Variants in GPD1L observed in about 807,000 individuals in gnomAD.
GPD1L encodes glycerol-3-phosphate dehydrogenase 1-like protein.
GPD1L carries 17 observed loss-of-function variants against 32.9 expected under a neutral mutation model. That is an observed-to-expected ratio of 0.52 (90% CI 0.35 to 0.78). The LOEUF is 0.78. Ranked by LOEUF, GPD1L falls within the 30% of genes least tolerant of loss-of-function variation. The pLI is 0.01. For missense variants in GPD1L, 361 were observed against 447.8 expected (o/e 0.81, Z 1.75); for synonymous variants, 187 against 165.9 (o/e 1.13, Z -0.98).
intron 1 of GPD1L, among the ~76,000 whole-genome samples, chr3:32,121,743 A>ATATATTTCTATATATATATTTCTATATC (rs1700424147): frequency 7.4e-6 from 1 of 134,364 alleles, no homozygotes; most frequent in African/African-American, 2.7e-5. Context: ...ATTTCTATAT[A>ATATATTTCTATATATATATTTCTATATC]TATATTTCTA....
Position 32,106,953 on chromosome 3 carries a change from TG to T in GPD1L, c.47+198del, listed in dbSNP as rs1700173496. ...ACCGGGGCACTCGCTCGGGAGGCGC[TG>T]GGCTCGCGTGCGTGCGGGGGACAGC... On this transcript the variant is annotated intron_variant, in intron 1 of 7. Transcript: ENST00000282541. The surrounding 1 kb of genome is among the most constrained non-coding windows in gnomAD (Gnocchi z 4.0). 2.3e-6 allele frequency: 1 copy of T among 440,900 alleles called. No homozygotes were observed. The highest frequency in any genetic ancestry group is 2.1e-5 in the African/African-American group (1 of 48,766). 27.3% of individuals were successfully genotyped at this position (440,900 alleles called of 1,614,324 possible).
rs538633576 is a variant in GPD1L, at chr3:32,159,150, C to A, written c.852+41C>A. 32 of 1,443,430 alleles carry A rather than the reference C, an allele frequency of 2.2e-5. No individual in the cohort carries two copies. The East Asian group carries it at 7.1e-4, about 32-fold the overall frequency. The allele number at this position is 1,443,430 out of a possible 1,614,324, so 89.4% of individuals were successfully genotyped here. ...CTCTCCCGCACCCCCTCCTTCCTCA[C>A]TTGAGACTCCTGGCTTGGGGTGAAC... is the stretch of plus-strand genomic sequence containing the variant. On this transcript the variant is annotated intron_variant, in intron 6 of 7. Coordinates refer to ENST00000282541, the MANE Select transcript of GPD1L (RefSeq NM_015141.4).
chr3:32,136,282 A>G (rs1700659109), intron 2 of GPD1L, among the ~76,000 whole-genome samples: 1 of 152,236 alleles, frequency 6.6e-6, no homozygotes, highest in African/African-American at 2.4e-5. Flanking sequence ...CTGTTCAAGG[A>G]AAGACATTGT....
rs762996758 is a variant in GPD1L at position 32,168,179 on chromosome 3, ATACTT to A, written c.*2270_*2274del. 514 of 152,626 alleles carry A rather than the reference ATACTT, an allele frequency of 3.4e-3. No homozygotes were observed. Among genetic ancestry groups the A allele is most frequent in the Admixed American group, 8.1e-3 (124 of 15,304 alleles). 9.5% of individuals were successfully genotyped at this position (152,626 alleles called of 1,614,324 possible). A position where few individuals can be genotyped will look rare whatever the true frequency, so the allele number is the denominator to read the frequency against. On this transcript the variant is annotated 3_prime_UTR_variant, in exon 8 of 8. Transcript: ENST00000282541. ...AGTCTGCTGACTGTGTCTCTTGAAC[ATACTT>A]AGGATATTCTGCACATTATGGAAAA...
Position 32,106,652 on chromosome 3 carries a change from AG to A in GPD1L, c.-58del. The A allele has an allele frequency of 6.9e-7, 1 of 1,448,362 alleles. No individual in the cohort carries two copies. 89.7% of individuals were successfully genotyped at this position (1,448,362 alleles called of 1,614,324 possible). Reference sequence around the variant, plus strand: ...CCAGCCGCTGCGGGCAAGGCTGAACAGGCGGAGGTGGGCAGCCGGCCAGGGA... The same window carrying A: ...CCAGCCGCTGCGGGCAAGGCTGAACAGCGGAGGTGGGCAGCCGGCCAGGGA... On this transcript the variant is annotated 5_prime_UTR_variant, in exon 1 of 8. Transcript: ENST00000282541. This position sits in a 1 kb window ranked among gnomAD's most constrained non-coding sequence, Gnocchi z 4.0.
At chr3:32,118,634 A>G (rs889300246) in intron 1 of GPD1L, among the ~76,000 whole-genome samples, 4 of 152,156 alleles carry the variant, frequency 2.6e-5, no homozygotes, top group Admixed American at 6.5e-5. Flanking sequence ...ACCATTTTTA[A>G]GCATACGGTT....
intron 1 of GPD1L, among the ~76,000 whole-genome samples, chr3:32,114,017 C>CT (rs1032326147): frequency 6.6e-6 from 1 of 152,194 alleles, no homozygotes; most frequent in African/African-American, 2.4e-5. Context: ...CCATGCCTGG[C>CT]TAATCTTCAG....
intron 4 of GPD1L, among the ~76,000 whole-genome samples, chr3:32,142,261 G>A (rs1189195666): frequency 6.6e-6 from 1 of 152,074 alleles, no homozygotes; most frequent in African/African-American, 2.4e-5. Context: ...TGGAATTACA[G>A]GCATGCGCCA....
At chr3:32,138,968 C>G (rs894507501) in intron 3 of GPD1L, among the ~76,000 whole-genome samples, 1 of 152,146 alleles carries the variant, frequency 6.6e-6, no homozygotes, top group Non-Finnish European at 1.5e-5. Context: ...TGTGCCGCCC[C>G]TTCCAGTCCA....
intron 4 of GPD1L, among the ~76,000 whole-genome samples, chr3:32,142,544 T>C (rs1559577760): frequency 6.6e-6 from 1 of 152,250 alleles, no homozygotes; most frequent in Non-Finnish European, 1.5e-5. Flanking sequence ...CAGTAAATTC[T>C]TTTATTTATC....
intron 1 of GPD1L, among the ~76,000 whole-genome samples, chr3:32,124,514 G>C (rs1204493944): frequency 6.6e-6 from 1 of 152,200 alleles, no homozygotes; most frequent in Non-Finnish European, 1.5e-5. Context: ...TAACACTTGG[G>C]ACAAATGCAT....
intron 4 of GPD1L, among the ~76,000 whole-genome samples, chr3:32,146,389 A>G (rs906050398): frequency 6.6e-6 from 1 of 152,096 alleles, no homozygotes; most frequent in Non-Finnish European, 1.5e-5. Context: ...TCTGGCCAAA[A>G]AAAACTTTAG....
At chr3:32,109,765 A>G (rs551651149) in intron 1 of GPD1L, among the ~76,000 whole-genome samples, 2 of 152,232 alleles carry the variant, frequency 1.3e-5, no homozygotes, top group Non-Finnish European at 2.9e-5. Context: ...CTGACCAGGG[A>G]TGCAGACACA....
chr3:32,161,760 A>G (rs1460414482), intron 7 of GPD1L, among the ~76,000 whole-genome samples: 3 of 152,202 alleles, frequency 2.0e-5, no homozygotes, highest in Non-Finnish European at 4.4e-5. Flanking sequence ...CTCCTTGGTC[A>G]TGTCCCATTT....
intron 4 of GPD1L, among the ~76,000 whole-genome samples, chr3:32,142,124 CT>C (rs11286209): frequency 0.52 from 75,686 of 145,542 alleles, 21,954 homozygotes; most frequent in East Asian, 0.89. Flanking sequence ...ACATGATTTT[CT>C]TTTTTTTTTT....
intron 5 of GPD1L, among the ~76,000 whole-genome samples, chr3:32,157,791 G>A (rs528860921): frequency 2.9e-4 from 44 of 152,230 alleles, no homozygotes; most frequent in African/African-American, 1.0e-3. Flanking sequence ...GGTATGGCTG[G>A]GTTCCCGTAA....
intron 1 of GPD1L, among the ~76,000 whole-genome samples, chr3:32,119,163 C>G (rs1328179765): frequency 2.6e-5 from 4 of 152,176 alleles, no homozygotes; most frequent in Non-Finnish European, 5.9e-5. Flanking sequence ...TATGTTAGTT[C>G]TATTTTTAAT....
chr3:32,124,364 C>G (rs1700474233), intron 1 of GPD1L, among the ~76,000 whole-genome samples: 1 of 152,204 alleles, frequency 6.6e-6, no homozygotes, highest in African/African-American at 2.4e-5. Flanking sequence ...CACCCCCGGC[C>G]CATTTCTTTA....
intron 1 of GPD1L, among the ~76,000 whole-genome samples, chr3:32,121,563 ATG>A (rs1286876857): frequency 3.7e-5 from 5 of 134,532 alleles, no homozygotes; most frequent in African/African-American, 1.2e-4. Flanking sequence ...ATATATTTCT[ATG>A]TATATATTTC....
Sources: gnomAD v4.1 joint callset for allele counts (sites outside exome capture counted in the v4.1 genomes callset) on GRCh38, gnomAD v4.1.1 for gene constraint, Gnocchi (gnomAD v3.1) non-coding constraint, MANE v1.5 for transcripts, NCBI Gene and HGNC (gene_info 2026-07-23, HGNC 2026-07-21) for gene names.